Variants in RBM3 observed in about 807,000 individuals in gnomAD.
The protein encoded by RBM3 is RNA-binding protein 3.
In RBM3, 3 loss-of-function variants were observed where a neutral mutation model predicts 12.0. The ratio of observed to expected loss-of-function variants is 0.25; its 90% CI spans 0.11 to 0.65. RBM3 has a LOEUF of 0.65. RBM3 is among the 30% of genes least tolerant of loss of function. The probability of loss-of-function intolerance (pLI) is 0.84; values close to 1 mark genes in which losing one functional copy is unlikely to be tolerated. For synonymous variants in RBM3, 58 were observed against 45.7 expected, an observed-to-expected ratio of 1.27 and a Z score of -1.08; for missense variants, 108 against 134.5, an observed-to-expected ratio of 0.80 and a Z score of 0.97.
rs1487470370 is a variant in RBM3, at chrX:48,579,052, C to CA, written c.*1612dup. 6 of 102,653 alleles carry CA rather than the reference C, an allele frequency of 5.8e-5. No homozygotes were observed. In the Admixed American group the frequency reaches 6.5e-4, roughly 11 times the overall value. The allele number at this position is 102,653 out of a possible 1,213,427, so 8.5% of individuals were successfully genotyped here. ...GAGAAGAGTTGGCAAAGCTCTCAGTCACGGGGATTTGATCTTTTTTGGTGT... is the reference window on the plus strand; with the variant it reads ...GAGAAGAGTTGGCAAAGCTCTCAGTCAACGGGGATTTGATCTTTTTTGGTGT... On this transcript the variant is annotated 3_prime_UTR_variant, in exon 7 of 7. Transcript: ENST00000376759.
At position 48,577,497 on chromosome X, in the gene RBM3, TC is replaced by T. The variant is rs782552166; in HGVS notation, c.*58del. On this transcript the variant is annotated 3_prime_UTR_variant, in exon 7 of 7. Coordinates refer to ENST00000376759, the MANE Select transcript of RBM3 (RefSeq NM_006743.5). ...AGGAATAATTTCTGATCCAGGATCGTCCTTCCAAATGGCTGTATTTATAAAG... is the reference window on the plus strand; with the variant it reads ...AGGAATAATTTCTGATCCAGGATCGTCTTCCAAATGGCTGTATTTATAAAG... The T allele has an allele frequency of 4.3e-5, 45 of 1,046,437 alleles. No homozygotes were observed. In the African/African-American group the frequency reaches 8.4e-4, roughly 20 times the overall value. 86.2% of individuals were successfully genotyped at this position (1,046,437 alleles called of 1,213,427 possible).
In RBM3 at chrX:48,579,702, T is replaced by G. The variant is rs1296606641; in HGVS notation, c.*2261T>G. On this transcript the variant is annotated 3_prime_UTR_variant, in exon 7 of 7. Transcript: ENST00000376759. The stretch of plus-strand genomic sequence containing the variant: ...ATGGCAATGTACCTCTCACCCCCAG[T>G]GTCAGCTGAGGTAGGATCCATAATC... 1 of 111,786 alleles carries G rather than the reference T, an allele frequency of 8.9e-6. No individual in the cohort carries two copies. Among genetic ancestry groups the G allele is most frequent in the Non-Finnish European group, 1.9e-5 (1 of 53,146 alleles). 9.2% of individuals were successfully genotyped at this position (111,786 alleles called of 1,213,427 possible). A position where few individuals can be genotyped will look rare whatever the true frequency, so the allele number is the denominator to read the frequency against.
rs1264992494 is a variant in RBM3, at chrX:48,579,301, T to G, written c.*1860T>G. ...CCACCAGGTTGCAAACTCCAGGACA[T>G]TATTGTCCTGAGCTGCCTATTCCCT... On this transcript the variant is annotated 3_prime_UTR_variant, in exon 7 of 7. Coordinates refer to ENST00000376759, the MANE Select transcript of RBM3 (RefSeq NM_006743.5). Among the ~76,000 whole-genome samples the G allele has an allele frequency of 8.9e-6, 1 of 112,132 alleles. No individual in the cohort carries two copies. Among genetic ancestry groups the G allele is most frequent in the Non-Finnish European group, 1.9e-5 (1 of 53,218 alleles).
rs2062087390 is a variant in RBM3, at chrX:48,577,700, T to C, written c.*259T>C. On this transcript the variant is annotated 3_prime_UTR_variant, in exon 7 of 7. Transcript: ENST00000376759. ...TGTAGAACCTGAGTATTTTTCTTTT[T>C]ACCAGTTTTTTAGTTTGAGCTCTTA... 1 of 212,111 alleles carries C rather than the reference T, an allele frequency of 4.7e-6. No homozygotes were observed. The highest frequency in any genetic ancestry group is 3.1e-5 in the African/African-American group (1 of 32,560). The allele number at this position is 212,111 out of a possible 1,213,427, so 17.5% of individuals were successfully genotyped here.
chrX:48,574,957 C>G, intron 1 of RBM3: 1 of 449,932 alleles, frequency 2.2e-6, no homozygotes, highest in Non-Finnish European at 4.0e-6. Flanking sequence ...AGAGCATGCG[C>G]AATGTGGCCC....
chrX:48,575,131 C>T (rs782346060), intron 1 of RBM3, 37 bp from the exon 2 acceptor site: 1 of 1,013,391 alleles, frequency 9.9e-7, no homozygotes, highest in Non-Finnish European at 1.4e-6. Context: ...CATTTTCTTT[C>T]TCCTTCCTGC....
At position 48,581,006 on chromosome X, in the gene RBM3, A is replaced by G. The variant is rs1556990332; in HGVS notation, c.*3565A>G. The G allele has an allele frequency of 4.1e-5, 4 of 97,911 alleles. No homozygotes were observed. 8.1% of individuals were successfully genotyped at this position (97,911 alleles called of 1,213,427 possible). ...CTTCTTATAACCTTTACTCAGTGGG[A>G]ATATGCATACAGTTCACTACAGAAA... On this transcript the variant is annotated 3_prime_UTR_variant, in exon 7 of 7. Transcript: ENST00000376759.
In RBM3 at chrX:48,574,497, C is replaced by T. The variant is rs181643320; in HGVS notation, c.-90C>T. The T allele has an allele frequency of 9.8e-5, 32 of 328,077 alleles. No individual in the cohort carries two copies. In the East Asian group the frequency reaches 2.9e-3, roughly 29 times the overall value. The allele number at this position is 328,077 out of a possible 1,213,427, so 27.0% of individuals were successfully genotyped here. A position where few individuals can be genotyped will look rare whatever the true frequency, so the allele number is the denominator to read the frequency against. On this transcript the variant is annotated 5_prime_UTR_variant, in exon 1 of 7. Transcript: ENST00000376759. Reference sequence around the variant, plus strand: ...TACGTACTCTTTATCAATCGTCTTCCGGCGCAGCCCCGTCCCTGTTTTTTG... The same window carrying T: ...TACGTACTCTTTATCAATCGTCTTCTGGCGCAGCCCCGTCCCTGTTTTTTG...
chrX:48,579,901 C>T lies in RBM3; in HGVS notation c.*2460C>T, dbSNP rs1393562025. 9.0e-6 allele frequency: 1 copy of T among 111,564 alleles called. No homozygotes were observed. The highest frequency in any genetic ancestry group is 3.3e-5 in the African/African-American group (1 of 30,673). The allele number at this position is 111,564 out of a possible 1,213,427, so 9.2% of individuals were successfully genotyped here. On this transcript the variant is annotated 3_prime_UTR_variant, in exon 7 of 7. Transcript: ENST00000376759. ...TATCTGCTCTAAGGAAGAGAGCCCA[C>T]AGTTCTCTATAGTGCCATAGTCTGT... is the stretch of plus-strand genomic sequence containing the variant.
intron 2 of RBM3, 74 bp downstream of exon 2, chrX:48,575,357 C>T (rs2062075704): frequency 9.9e-7 from 1 of 1,007,508 alleles, no homozygotes; most frequent in Non-Finnish European, 1.4e-6. Context: ...GGAGTATTAA[C>T]TGAAAAGTTA....
At position 48,577,065 on chromosome X, in the gene RBM3, CAG is replaced by C. The variant is rs1556989489; in HGVS notation, c.457_458del (p.Asp153GlnfsTer3). ...GYDRYSGGNYRDNYDN is the reference protein window; with the variant it reads ...GYDRYSGGNYXDNYDN ...ATGACCGCTACTCAGGAGGAAATTA[CAG>C]AGACAATTATGACAACTGAAATGAG... On this transcript the variant is annotated frameshift_variant, in exon 6 of 7. Coordinates refer to ENST00000376759, the MANE Select transcript of RBM3 (RefSeq NM_006743.5). LOFTEE classifies it high-confidence loss of function. 1.7e-6 allele frequency: 2 copies of C among 1,209,883 alleles called. No homozygotes were observed. Among genetic ancestry groups the C allele is most frequent in the Non-Finnish European group, 2.2e-6 (2 of 895,281 alleles).
chrX:48,579,363 A>G lies in RBM3; in HGVS notation c.*1922A>G, dbSNP rs1333921948. On this transcript the variant is annotated 3_prime_UTR_variant, in exon 7 of 7. Transcript: ENST00000376759. ...TGTGGAACCCTGTATTATTAGTTCC[A>G]GTCCTGGAGGCCTGCCTCCTGAGTT... 8.9e-6 allele frequency among the ~76,000 whole-genome samples: 1 copy of G among 112,023 alleles called. No individual in the cohort carries two copies. Among genetic ancestry groups the G allele is most frequent in the African/African-American group, 3.2e-5 (1 of 30,855 alleles).
chrX:48,575,966 C>T (rs2062078210), intron 3 of RBM3: 4 of 661,175 alleles, frequency 6.0e-6, no homozygotes, highest in African/African-American at 2.2e-5. Flanking sequence ...GAGAGGACCT[C>T]GTGAGTCTTC....
intron 6 of RBM3, 48 bp from the exon 7 acceptor site, chrX:48,577,417 A>T: frequency 1.1e-6 from 1 of 920,866 alleles, no homozygotes; most frequent in South Asian, 2.2e-5. Flanking sequence ...GCATGTTGTC[A>T]GCTGTTACTT....
rs1556988999 is a variant in RBM3 at position 48,575,311 on chromosome X, G to A, written c.103+28G>A. The A allele has an allele frequency of 7.0e-6, 8 of 1,135,568 alleles. No individual in the cohort carries two copies. The Admixed American group carries it at 1.4e-4, about 19-fold the overall frequency. The allele number at this position is 1,135,568 out of a possible 1,213,427, so 93.6% of individuals were successfully genotyped here. On this transcript the variant is annotated intron_variant, in intron 2 of 6. Transcript: ENST00000376759. Reference sequence around the variant, plus strand: ...GAGACGGGCCATACTCACAATGGGGGTTGGTGAGAGAAAGTCTGGGATCCT... The same window carrying A: ...GAGACGGGCCATACTCACAATGGGGATTGGTGAGAGAAAGTCTGGGATCCT...
chrX:48,575,692 A>T (rs1041125523), intron 3 of RBM3, 25 bp downstream of exon 3: 17 of 1,153,576 alleles, frequency 1.5e-5, no homozygotes, highest in Non-Finnish European at 1.9e-5. Context: ...CTGCAGAGGG[A>T]CCTTGTCCCC....
rs2062094331 is a variant in RBM3 at position 48,579,491 on chromosome X, A to C, written c.*2050A>C. On this transcript the variant is annotated 3_prime_UTR_variant, in exon 7 of 7. Coordinates refer to ENST00000376759, the MANE Select transcript of RBM3 (RefSeq NM_006743.5). ...ATGGAGACTTGGGAACTTCCACCTC[A>C]CCCACTAAGCCAGGCCCAGGCTATG... is the stretch of plus-strand genomic sequence containing the variant. Among the ~76,000 whole-genome samples the C allele has an allele frequency of 9.0e-6, 1 of 111,581 alleles. No homozygotes were observed. The highest frequency in any genetic ancestry group is 3.7e-4 in the South Asian group (1 of 2,690).
chrX:48,576,911 T>G, intron 5 of RBM3, 115 bp from the exon 6 acceptor site: 1 of 938,009 alleles, frequency 1.1e-6, no homozygotes, highest in Non-Finnish European at 1.5e-6. Flanking sequence ...CATATCCTGT[T>G]TTTGATACGT....
At position 48,580,227 on chromosome X, in the gene RBM3, C is replaced by T. The variant is rs952111583; in HGVS notation, c.*2786C>T. 1.8e-5 allele frequency among the ~76,000 whole-genome samples: 2 copies of T among 111,855 alleles called. No individual in the cohort carries two copies. The highest frequency in any genetic ancestry group is 3.8e-5 in the Non-Finnish European group (2 of 53,176). On this transcript the variant is annotated 3_prime_UTR_variant, in exon 7 of 7. Transcript: ENST00000376759. Reference sequence around the variant, plus strand: ...GGGCCAGAATAAATTAAGAGATTGGCTTTTGGTTTTCAATTAGGCTTTCAA... The same window carrying T: ...GGGCCAGAATAAATTAAGAGATTGGTTTTTGGTTTTCAATTAGGCTTTCAA...
Sources: allele counts gnomAD v4.1 joint callset (sites outside exome capture counted in the v4.1 genomes callset), GRCh38; gene constraint gnomAD v4.1.1; transcripts MANE v1.5; gene names NCBI Gene and HGNC (gene_info 2026-07-23, HGNC 2026-07-21).